COL23A1: variants seen among roughly 807,000 people sequenced by gnomAD.
The protein encoded by COL23A1 is collagen type XXIII alpha 1 chain.
Under a neutral mutation model 99.3 loss-of-function variants are expected in COL23A1, and 97 were observed. The ratio of observed to expected loss-of-function variants is 0.98; its 90% CI spans 0.83 to 1.16. The LOEUF (loss-of-function observed/expected upper bound fraction) is 1.16, where lower values mean the gene tolerates loss of function less well. Among genes scored for constraint, COL23A1 ranks in the 50% most tolerant of loss-of-function variants. The probability of loss-of-function intolerance (pLI) is 0.00; values close to 1 mark genes in which losing one functional copy is unlikely to be tolerated. For synonymous variants in COL23A1, 320 were observed against 308.2 expected (o/e 1.04, Z -0.40); for missense variants, 762 against 757.4 (o/e 1.01, Z -0.07).
chr5:178,257,537 G>A lies in COL23A1; in HGVS notation c.760C>T (p.Pro254Ser). ...CAGATACTCACCTTGGGCCCTGGTG[G>A]TCCAGGCTGGCTTGGTGTCCCATCG... ...GDDGTPSQPG[P>S]PGPKGEPGSM... Residue 254 changes from proline to serine, a missense_variant, in exon 13 of 29, where the codon CCA becomes TCA. Physicochemically the swap from Pro to Ser is moderately conservative, Grantham distance 74. Coordinates refer to ENST00000390654, the MANE Select transcript of COL23A1 (RefSeq NM_173465.4). The A allele has an allele frequency of 6.4e-7, 1 of 1,565,754 alleles. No individual in the cohort carries two copies. The highest frequency in any genetic ancestry group is 8.7e-7 in the Non-Finnish European group (1 of 1,154,884).
At chr5:178,464,752 C>A (rs1026531775) in intron 2 of COL23A1, among the ~76,000 whole-genome samples, 4 of 152,242 alleles carry the variant, frequency 2.6e-5, no homozygotes, top group Non-Finnish European at 5.9e-5. Flanking sequence ...ACACTGCAAG[C>A]CAAACAAAAC....
At chr5:178,325,334 C>CCTGGCCAAGGCCCTTT (rs1759587571) in intron 2 of COL23A1, among the ~76,000 whole-genome samples, 2 of 50,136 alleles carry the variant, frequency 4.0e-5, no homozygotes, top group Admixed American at 1.9e-4. Flanking sequence ...GACAGCGCTC[C>CCTGGCCAAGGCCCTTT]CTGGCCAGCC....
At chr5:178,571,728 G>A (rs141066138) in intron 1 of COL23A1, among the ~76,000 whole-genome samples, 198 of 152,268 alleles carry the variant, frequency 1.3e-3, no homozygotes, top group African/African-American at 4.0e-3. Context: ...TATTATAACC[G>A]TACTGCCTAT....
intron 2 of COL23A1, among the ~76,000 whole-genome samples, chr5:178,536,291 C>T (rs1004776358): frequency 6.6e-6 from 1 of 152,252 alleles, no homozygotes; most frequent in African/African-American, 2.4e-5. Context: ...ATGGAGACAA[C>T]AGCACCCTGA....
intron 5 of COL23A1, among the ~76,000 whole-genome samples, chr5:178,273,740 C>T (rs1756427093): frequency 1.3e-5 from 2 of 152,204 alleles, no homozygotes; most frequent in Admixed American, 1.3e-4. Context: ...CCCAGGCCCC[C>T]GAGCTTTCTG....
At position 178,281,783 on chromosome 5, in the gene COL23A1, C is replaced by G. The variant is rs939449405; in HGVS notation, c.441+6541G>C. On this transcript the variant is annotated intron_variant, in intron 5 of 28. Coordinates refer to ENST00000390654, the MANE Select transcript of COL23A1 (RefSeq NM_173465.4). This position sits in a 1 kb window ranked among gnomAD's most constrained non-coding sequence, Gnocchi z 4.0. Reference sequence around the variant, plus strand: ...ACGGGGATTCGGCCAGGATTGGCAGCTCATGCCTGTAATCCTAGCACTTTG... The same window carrying G: ...ACGGGGATTCGGCCAGGATTGGCAGGTCATGCCTGTAATCCTAGCACTTTG... 2.0e-5 allele frequency among the ~76,000 whole-genome samples: 3 copies of G among 152,070 alleles called. No individual in the cohort carries two copies. The highest frequency in any genetic ancestry group is 7.2e-5 in the African/African-American group (3 of 41,404).
chr5:178,349,074 G>C (rs574905362), intron 2 of COL23A1, among the ~76,000 whole-genome samples: 37 of 152,314 alleles, frequency 2.4e-4, no homozygotes, highest in Non-Finnish European at 4.3e-4. Flanking sequence ...AGGGATTCTC[G>C]GTAGAGCCGA....
intron 1 of COL23A1, among the ~76,000 whole-genome samples, chr5:178,582,093 G>A (rs1371963739): frequency 6.6e-6 from 1 of 150,520 alleles, no homozygotes; most frequent in Non-Finnish European, 1.5e-5. Flanking sequence ...TGTAATCCCA[G>A]CATTTTGGGA....
rs556414249 is a variant in COL23A1 at position 178,331,848 on chromosome 5, C to T, written c.362-24929G>A. Reference sequence around the variant, plus strand: ...GAAATAGTGACACAGCTGTCCTGACCGGCAGCCCGGGCAGTCAGCCGGCAG... The same window carrying T: ...GAAATAGTGACACAGCTGTCCTGACTGGCAGCCCGGGCAGTCAGCCGGCAG... On this transcript the variant is annotated intron_variant, in intron 2 of 28. Coordinates refer to ENST00000390654, the MANE Select transcript of COL23A1 (RefSeq NM_173465.4). Among the ~76,000 whole-genome samples the T allele has an allele frequency of 9.2e-5, 14 of 152,316 alleles. No individual in the cohort carries two copies. The East Asian group carries it at 1.9e-3, about 21-fold the overall frequency.
At chr5:178,568,380 G>T (rs1392441400) in intron 1 of COL23A1, among the ~76,000 whole-genome samples, 1 of 151,764 alleles carries the variant, frequency 6.6e-6, no homozygotes, top group Non-Finnish European at 1.5e-5. Context: ...TAATCACAAA[G>T]TCACTTACCA....
At chr5:178,493,913 A>C (rs1287562793) in intron 2 of COL23A1, among the ~76,000 whole-genome samples, 1 of 152,252 alleles carries the variant, frequency 6.6e-6, no homozygotes, top group Non-Finnish European at 1.5e-5. Context: ...AGTCACTGCC[A>C]ATCCAAAACC....
In COL23A1 at chr5:178,572,597, T is replaced by C. The variant is rs534402545; in HGVS notation, c.295-11849A>G. On this transcript the variant is annotated intron_variant, in intron 1 of 28. Coordinates refer to ENST00000390654, the MANE Select transcript of COL23A1 (RefSeq NM_173465.4). ...CACTGCTGGTGGGAATCTGAAATGA[T>C]GCGATGGCCTTCAGCAACAGTTTCT... 2.0e-5 allele frequency among the ~76,000 whole-genome samples: 3 copies of C among 152,358 alleles called. No individual in the cohort carries two copies. In the East Asian group the frequency reaches 5.8e-4, roughly 29 times the overall value.
At chr5:178,545,808 C>T (rs933787746) in intron 2 of COL23A1, among the ~76,000 whole-genome samples, 16 of 152,250 alleles carry the variant, frequency 1.1e-4, no homozygotes, top group African/African-American at 3.4e-4. Context: ...GTCCACAGGT[C>T]GATTCCCACA....
intron 15 of COL23A1, among the ~76,000 whole-genome samples, chr5:178,256,102 G>A (rs560626027): frequency 1.3e-5 from 2 of 152,172 alleles, no homozygotes; most frequent in South Asian, 2.1e-4. Flanking sequence ...TGAGGGGACC[G>A]AGAGAGATCT....
chr5:178,476,802 G>C (rs1581463669), intron 2 of COL23A1, among the ~76,000 whole-genome samples: 2 of 152,190 alleles, frequency 1.3e-5, no homozygotes, highest in African/African-American at 4.8e-5. Flanking sequence ...GACCTCCTAG[G>C]TGCAATGTCA....
At chr5:178,300,073 CT>C (rs1281879439) in intron 3 of COL23A1, among the ~76,000 whole-genome samples, 25 of 146,646 alleles carry the variant, frequency 1.7e-4, no homozygotes, top group East Asian at 4.0e-4. Context: ...CAATTTTTTT[CT>C]TTTTTTTTTG....
chr5:178,432,302 C>T (rs527869188), intron 2 of COL23A1, among the ~76,000 whole-genome samples: 7 of 152,274 alleles, frequency 4.6e-5, no homozygotes, highest in South Asian at 2.1e-4. Context: ...GCAGACGGCT[C>T]GTTACACAGG....
intron 2 of COL23A1, among the ~76,000 whole-genome samples, chr5:178,558,055 A>AG (rs1762374556): frequency 6.7e-6 from 1 of 150,144 alleles, no homozygotes. Flanking sequence ...AGGGCTCCCC[A>AG]GGGAGCCGGG....
chr5:178,290,384 C>T lies in COL23A1; in HGVS notation c.407-15G>A, dbSNP rs781628077. Reference sequence around the variant, plus strand: ...TACTGGAGGACCTGCAAAACACAAGCAGAGAAGCCACAGTCAGTGTGGAAG... The same window carrying T: ...TACTGGAGGACCTGCAAAACACAAGTAGAGAAGCCACAGTCAGTGTGGAAG... On this transcript the variant is annotated splice_polypyrimidine_tract_variant and intron_variant, in intron 3 of 28. Transcript: ENST00000390654. 1.9e-6 allele frequency: 3 copies of T among 1,613,250 alleles called. No individual in the cohort carries two copies. Among genetic ancestry groups the T allele is most frequent in the Non-Finnish European group, 2.5e-6 (3 of 1,180,024 alleles).
Sources: allele counts gnomAD v4.1 joint callset (sites outside exome capture counted in the v4.1 genomes callset), GRCh38; gene constraint gnomAD v4.1.1; non-coding constraint Gnocchi (gnomAD v3.1); transcripts MANE v1.5; gene names NCBI Gene and HGNC (gene_info 2026-07-23, HGNC 2026-07-21).